Variants in SETBP1 observed in about 807,000 individuals in gnomAD.
The protein encoded by SETBP1 is SET binding protein 1.
In SETBP1, 9 loss-of-function variants were observed where a neutral mutation model predicts 101.0. The observed-to-expected ratio is 0.09, with a 90% confidence interval of 0.05 to 0.16. The LOEUF is 0.16. SETBP1 is among the 10% of genes least tolerant of loss of function. The pLI is 1.00. For synonymous variants in SETBP1, 818 were observed against 788.5 expected, an observed-to-expected ratio of 1.04 and a Z score of -0.63; for missense variants, 1,858 against 2,033.8, an observed-to-expected ratio of 0.91 and a Z score of 1.66.
chr18:44,958,625 G>A (rs986867861), intron 4 of SETBP1, among the ~76,000 whole-genome samples: 28 of 152,054 alleles, frequency 1.8e-4, no homozygotes, highest in African/African-American at 6.8e-4. Context: ...GCTCAGACTG[G>A]GAAGCTTCAC....
chr18:44,750,484 T>A (rs1442846770), intron 2 of SETBP1, among the ~76,000 whole-genome samples: 1 of 152,166 alleles, frequency 6.6e-6, no homozygotes, highest in Non-Finnish European at 1.5e-5. Flanking sequence ...GGTGTTAACA[T>A]GAATTTTGGG....
At chr18:45,022,584 C>G (rs34610288) in intron 4 of SETBP1, among the ~76,000 whole-genome samples, 2 of 152,078 alleles carry the variant, frequency 1.3e-5, no homozygotes, top group Non-Finnish European at 2.9e-5. Flanking sequence ...GATCCCAGCA[C>G]GTTGGGAGGC....
intron 2 of SETBP1, among the ~76,000 whole-genome samples, chr18:44,858,489 C>T (rs1270600441): frequency 6.6e-6 from 1 of 152,142 alleles, no homozygotes; most frequent in Non-Finnish European, 1.5e-5. Context: ...AAGCAAATAA[C>T]CTGATTTAAT....
At chr18:45,041,987 G>C (rs56221737) in intron 5 of SETBP1, among the ~76,000 whole-genome samples, 1 of 151,770 alleles carries the variant, frequency 6.6e-6, no homozygotes, top group African/African-American at 2.4e-5. Context: ...AAAAAAAAGA[G>C]TGGATGCAAA....
rs1277740516 is a variant in SETBP1, at chr18:45,063,495, C to T, written c.4588C>T (p.Leu1530=). 6.8e-5 allele frequency: 98 copies of T among 1,437,906 alleles called. No homozygotes were observed. Among genetic ancestry groups the T allele is most frequent in the Non-Finnish European group, 8.9e-5 (98 of 1,096,232 alleles). The allele number at this position is 1,437,906 out of a possible 1,614,324, so 89.1% of individuals were successfully genotyped here. Residue 1530 remains leucine, a synonymous_variant, in exon 6 of 6, where the codon CTG becomes TTG. Coordinates refer to ENST00000649279, the MANE Select transcript of SETBP1 (RefSeq NM_015559.3). ...PPLPPPPPPP[L]PPPPPPPLPP... is the part of the protein sequence containing the mutation. Reference sequence around the variant, plus strand: ...CCTGCCCCCGCCACCGCCGCCGCCCCTGCCGCCACCGCCGCCACCACCCCT... The same window carrying T: ...CCTGCCCCCGCCACCGCCGCCGCCCTTGCCGCCACCGCCGCCACCACCCCT...
chr18:45,002,660 G>A (rs112929755), intron 4 of SETBP1, among the ~76,000 whole-genome samples: 10,342 of 152,192 alleles, frequency 0.068, 446 homozygotes, highest in South Asian at 0.17. Flanking sequence ...GGGTGCCTTC[G>A]CCCTCAAACC....
intron 2 of SETBP1, among the ~76,000 whole-genome samples, chr18:44,725,036 C>T (rs2069676956): frequency 6.6e-6 from 1 of 152,158 alleles, no homozygotes; most frequent in African/African-American, 2.4e-5. Flanking sequence ...TCTTCACTCA[C>T]TCATTTAGCA....
intron 3 of SETBP1, among the ~76,000 whole-genome samples, chr18:44,902,232 T>TTC (rs58150833): frequency 2.1e-4 from 31 of 149,716 alleles, no homozygotes; most frequent in Middle Eastern, 3.5e-3. Context: ...ATCTCTCTCT[T>TTC]TCTCTCTCTC....
At chr18:44,889,685 G>A (rs2069724745) in intron 3 of SETBP1, among the ~76,000 whole-genome samples, 1 of 152,040 alleles carries the variant, frequency 6.6e-6, no homozygotes, top group Non-Finnish European at 1.5e-5. Context: ...TTGAGATGAG[G>A]CCTATTGATA....
Position 44,709,651 on chromosome 18 carries a change from G to A in SETBP1, c.486+7819G>A, listed in dbSNP as rs1234840776. Among the ~76,000 whole-genome samples the A allele has an allele frequency of 2.0e-5, 3 of 152,114 alleles. No homozygotes were observed. The East Asian group carries it at 5.8e-4, about 29-fold the overall frequency. ...CTCTCCCTGCGGACCATCCATAGGAGCTTCCTTAGTTGAGGCACAGAGTGG... is the reference window on the plus strand; with the variant it reads ...CTCTCCCTGCGGACCATCCATAGGAACTTCCTTAGTTGAGGCACAGAGTGG... On this transcript the variant is annotated intron_variant, in intron 2 of 5. Coordinates refer to ENST00000649279, the MANE Select transcript of SETBP1 (RefSeq NM_015559.3).
chr18:44,827,321 C>A (rs1014668696), intron 2 of SETBP1, among the ~76,000 whole-genome samples: 3 of 152,192 alleles, frequency 2.0e-5, no homozygotes, highest in Non-Finnish European at 2.9e-5. Flanking sequence ...CCCTTCCTCA[C>A]TAGACTAGAA....
chr18:44,910,347 G>A (rs1353743838), intron 3 of SETBP1, among the ~76,000 whole-genome samples: 1 of 152,178 alleles, frequency 6.6e-6, no homozygotes, highest in Admixed American at 6.5e-5. Flanking sequence ...GTAAAGAAAG[G>A]TGTTTTTTAG....
At chr18:44,742,223 T>C (rs903864187) in intron 2 of SETBP1, among the ~76,000 whole-genome samples, 1 of 151,940 alleles carries the variant, frequency 6.6e-6, no homozygotes, top group African/African-American at 2.4e-5. Flanking sequence ...GAGAGGAGAG[T>C]TATGCAGACA....
intron 3 of SETBP1, chr18:44,870,894 G>A (rs1394348483): frequency 2.6e-5 from 4 of 152,096 alleles, no homozygotes; most frequent in Admixed American, 2.6e-4. Flanking sequence ...TTAGATATTA[G>A]ATTTAAACTA....
chr18:45,033,349 T>G (rs1278515709), intron 4 of SETBP1, among the ~76,000 whole-genome samples: 1 of 152,252 alleles, frequency 6.6e-6, no homozygotes, highest in Non-Finnish European at 1.5e-5. Context: ...GGCAAATCAC[T>G]TGGTCTTCTG....
chr18:44,860,111 A>G (rs1200226767), intron 2 of SETBP1, among the ~76,000 whole-genome samples: 1 of 152,208 alleles, frequency 6.6e-6, no homozygotes, highest in East Asian at 1.9e-4. Context: ...TTTGATACTC[A>G]TCTTGGGCCA....
Position 45,063,490 on chromosome 18 carries a change from C to G in SETBP1, c.4583C>G (p.Pro1528Arg). The G allele has an allele frequency of 7.0e-7, 1 of 1,434,306 alleles. No homozygotes were observed. Among genetic ancestry groups the G allele is most frequent in the Non-Finnish European group, 9.1e-7 (1 of 1,096,074 alleles). 88.8% of individuals were successfully genotyped at this position (1,434,306 alleles called of 1,614,324 possible). Residue 1528 changes from proline (P) to arginine (R), a missense_variant, in exon 6 of 6, where the codon CCG (proline) becomes CGG (arginine). Coordinates refer to ENST00000649279, the MANE Select transcript of SETBP1 (RefSeq NM_015559.3). ...EAPPLPPPPP[P>R]PLPPPPPPPL... ...CCGCCCCTGCCCCCGCCACCGCCGC[C>G]GCCCCTGCCGCCACCGCCGCCACCA...
At chr18:44,831,696 A>G (rs9953694) in intron 2 of SETBP1, among the ~76,000 whole-genome samples, 6,042 of 152,288 alleles carry the variant, frequency 0.04, 406 homozygotes, top group African/African-American at 0.14. Flanking sequence ...AACACTCTTC[A>G]TGTCTGGTGC....
rs1410754425 is a variant in SETBP1, at chr18:44,950,704, C to T, written c.1364C>T (p.Ser455Phe). 1 of 1,614,126 alleles carries T rather than the reference C, an allele frequency of 6.2e-7. No homozygotes were observed. Among genetic ancestry groups the T allele is most frequent in the East Asian group, 2.2e-5 (1 of 44,858 alleles). The change falls in exon 4 of 6, where the codon TCT becomes TTT. Residue 455 changes from serine to phenylalanine, a missense_variant. By Grantham distance (155) the Ser-to-Phe change is radical. This residue lies in a region of SETBP1 where 581 missense variants were observed against 535.1 expected (regional missense o/e 1.09). Transcript: ENST00000649279. Reference sequence around the variant, plus strand: ...GTAGTTAACAGGATACTTTCCAACTCTGAGGGGAATAAGAAGGATCCCCGT... The same window carrying T: ...GTAGTTAACAGGATACTTTCCAACTTTGAGGGGAATAAGAAGGATCCCCGT... The part of the protein sequence containing the change: ...SEVVNRILSN[S>F]EGNKKDPRVP...
Sources: gnomAD v4.1 joint callset for allele counts (sites outside exome capture counted in the v4.1 genomes callset) on GRCh38, gnomAD v4.1.1 for gene constraint, gnomAD v4.1.1 regional missense constraint, MANE v1.5 for transcripts, NCBI Gene and HGNC (gene_info 2026-07-23, HGNC 2026-07-21) for gene names.